The following NBEA variants were observed in gnomAD, a reference collection of about 807,000 sequenced individuals.
NBEA encodes lysosomal-trafficking regulator 2.
In NBEA, 44 loss-of-function variants were observed where a neutral mutation model predicts 343.4. The observed-to-expected ratio is 0.13, with a 90% CI of 0.10 to 0.16. NBEA has a LOEUF of 0.16. NBEA is among the 10% of genes least tolerant of loss of function. The pLI, the probability that NBEA is intolerant of heterozygous loss-of-function variation, is 1.00. For synonymous variants in NBEA, 1,175 were observed against 1,238.7 expected, an observed-to-expected ratio of 0.95 and a Z score of 1.08; for missense variants, 2,555 against 3,631.3, an observed-to-expected ratio of 0.70 and a Z score of 7.62.
At chr13:35,255,511 C>T (rs993720386) in intron 34 of NBEA, among the ~76,000 whole-genome samples, 3 of 152,252 alleles carry the variant, frequency 2.0e-5, no homozygotes, top group Non-Finnish European at 4.4e-5. Context: ...ACACTGACTG[C>T]TGCAGTGGGG....
At chr13:35,403,635 C>G (rs2043107312) in intron 38 of NBEA, among the ~76,000 whole-genome samples, 1 of 151,934 alleles carries the variant, frequency 6.6e-6, no homozygotes, top group Non-Finnish European at 1.5e-5. Flanking sequence ...AACATTAGAC[C>G]TAAAACCATA....
At position 35,159,918 on chromosome 13, in the gene NBEA, C is replaced by A. The variant is rs747346511; in HGVS notation, c.3747C>A (p.Ser1249Arg). The change falls in exon 22 of 59, where the codon AGC becomes AGA. Residue 1249 changes from serine (S) to arginine (R), a missense_variant. Around this residue, in one of 21 missense-constraint regions of NBEA, gnomAD observed 367 missense variants for 377.5 expected, o/e 0.97. Transcript: ENST00000379939. ...CTCTGGAAACTGAGTCTTCTAGTAG[C>A]AAAATTGTACCAAATATTGATGCAG... ...ATTLETESSSSKIVPNIDAGS... is the reference protein window; with the variant it reads ...ATTLETESSSRKIVPNIDAGS... The A allele has an allele frequency of 8.8e-6, 14 of 1,594,868 alleles. No individual in the cohort carries two copies. The Admixed American group carries it at 2.5e-4, about 28-fold the overall frequency.
At chr13:35,489,604 T>G (rs778305804) in intron 41 of NBEA, among the ~76,000 whole-genome samples, 2 of 151,884 alleles carry the variant, frequency 1.3e-5, no homozygotes, top group African/African-American at 2.4e-5. Flanking sequence ...CAAAAGTAAA[T>G]TCGGTATTTG....
At chr13:35,196,688 T>C (rs570491490) in intron 31 of NBEA, among the ~76,000 whole-genome samples, 1 of 152,226 alleles carries the variant, frequency 6.6e-6, no homozygotes, top group South Asian at 2.1e-4. Context: ...TCCATTATAA[T>C]ATTATAAAAT....
intron 33 of NBEA, among the ~76,000 whole-genome samples, chr13:35,228,727 TAAG>T (rs2074806990): frequency 6.6e-6 from 1 of 152,104 alleles, no homozygotes; most frequent in African/African-American, 2.4e-5. Flanking sequence ...CACTTACTAT[TAAG>T]AAAAATAGCC....
chr13:35,620,226 A>G (rs2082920482), intron 48 of NBEA, among the ~76,000 whole-genome samples: 1 of 152,150 alleles, frequency 6.6e-6, no homozygotes, highest in South Asian at 2.1e-4. Context: ...TAAAAGTGAA[A>G]TATCTAGTAT....
intron 12 of NBEA, among the ~76,000 whole-genome samples, chr13:35,110,208 C>A: frequency 7.9e-6 from 1 of 126,058 alleles, no homozygotes; most frequent in African/African-American, 2.9e-5. Context: ...CCTCCCCCCT[C>A]CCCCGAAAGA....
chr13:35,490,324 AT>A (rs2152973177), intron 41 of NBEA, among the ~76,000 whole-genome samples: 1 of 152,004 alleles, frequency 6.6e-6, no homozygotes, highest in East Asian at 1.9e-4. Flanking sequence ...AGTGTTTAAT[AT>A]TTACCATATT....
At position 35,391,288 on chromosome 13, in the gene NBEA, AAG is replaced by A. The variant is rs1468249513; in HGVS notation, c.6179+38967_6179+38968del. ...AGACTTGATCTCAAAAAAAAAAAAAAAGAAGAAGAAGAAGAGGGCCATATAGC... is the reference window on the plus strand; with the variant it reads ...AGACTTGATCTCAAAAAAAAAAAAAAAAGAAGAAGAAGAGGGCCATATAGC... On this transcript the variant is annotated intron_variant, in intron 38 of 58. Transcript: ENST00000379939. Among the ~76,000 whole-genome samples the A allele has an allele frequency of 2.1e-3, 320 of 149,580 alleles. 1 individual carries two copies. The highest frequency in any genetic ancestry group is 3.7e-3 in the Non-Finnish European group (249 of 67,010).
intron 10 of NBEA, among the ~76,000 whole-genome samples, chr13:35,078,240 G>A (rs1001265873): frequency 2.6e-5 from 4 of 152,104 alleles, no homozygotes; most frequent in African/African-American, 9.7e-5. Context: ...TTAATAATCA[G>A]CACAGAGAAA....
intron 38 of NBEA, among the ~76,000 whole-genome samples, chr13:35,404,263 A>G (rs923454255): frequency 3.3e-5 from 5 of 152,098 alleles, no homozygotes; most frequent in Admixed American, 3.3e-4. Context: ...GTATATACCC[A>G]AAGGACTATA....
At chr13:35,614,757 A>G (rs1290895899) in intron 48 of NBEA, among the ~76,000 whole-genome samples, 2 of 152,218 alleles carry the variant, frequency 1.3e-5, no homozygotes, top group Non-Finnish European at 2.9e-5. Context: ...GGCCTAAGGC[A>G]TTCTTCTCCC....
intron 41 of NBEA, among the ~76,000 whole-genome samples, chr13:35,513,879 A>G (rs1449090150): frequency 6.6e-6 from 1 of 152,164 alleles, no homozygotes; most frequent in Non-Finnish European, 1.5e-5. Flanking sequence ...ACTATCTTTC[A>G]AATATAATTT....
intron 10 of NBEA, among the ~76,000 whole-genome samples, chr13:35,077,213 A>G (rs185800409): frequency 6.6e-6 from 1 of 152,136 alleles, no homozygotes; most frequent in African/African-American, 2.4e-5. Flanking sequence ...TTTTAGGTCC[A>G]CAATCTTGTT....
chr13:35,390,986 C>T (rs1006374667), intron 38 of NBEA, among the ~76,000 whole-genome samples: 12 of 152,178 alleles, frequency 7.9e-5, no homozygotes, highest in Admixed American at 3.9e-4. Flanking sequence ...CATAAGAAGG[C>T]CTTGCATTCC....
chr13:35,173,518 G>A lies in NBEA; in HGVS notation c.4478G>A (p.Arg1493Lys), dbSNP rs2070635520. The change falls in exon 27 of 59, where the codon AGG becomes AAG. Residue 1493 changes from arginine to lysine, a missense_variant. Physicochemically the swap from Arg to Lys is conservative, Grantham distance 26 (BLOSUM62 2). This residue lies in a region of NBEA where 168 missense variants were observed against 193.0 expected (regional missense o/e 0.87). Transcript: ENST00000379939. ...GAATGTCGGCAAAGACAGAGAGACA[G>A]GGGAAATAAATCTTCCCATGGAAGC... The part of the protein sequence containing the change: ...CLECRQRQRD[R>K]GNKSSHGSSK... The A allele has an allele frequency of 1.9e-6, 3 of 1,610,866 alleles. No homozygotes were observed. Among genetic ancestry groups the A allele is most frequent in the African/African-American group, 2.7e-5 (2 of 74,804 alleles).
chr13:35,608,996 G>A (rs1289298355), intron 48 of NBEA, among the ~76,000 whole-genome samples: 1 of 152,150 alleles, frequency 6.6e-6, no homozygotes, highest in Non-Finnish European at 1.5e-5. Flanking sequence ...AATTCTTTGA[G>A]ATTATTCGAT....
intron 31 of NBEA, among the ~76,000 whole-genome samples, chr13:35,198,588 T>C (rs564701359): frequency 6.6e-6 from 1 of 152,306 alleles, no homozygotes; most frequent in South Asian, 2.1e-4. Context: ...CTATAGCATT[T>C]GTACAAAATG....
chr13:35,281,404 T>C (rs1314777568), intron 34 of NBEA, among the ~76,000 whole-genome samples: 2 of 152,060 alleles, frequency 1.3e-5, no homozygotes, highest in East Asian at 3.9e-4. Flanking sequence ...CTTTGTGAAG[T>C]TTAGTTTGTT....
Sources: allele counts gnomAD v4.1 joint callset (sites outside exome capture counted in the v4.1 genomes callset), GRCh38; gene constraint gnomAD v4.1.1; regional missense constraint gnomAD v4.1.1; transcripts MANE v1.5; gene names NCBI Gene and HGNC (gene_info 2026-07-23, HGNC 2026-07-21).